ARAP2: variants seen among roughly 807,000 people sequenced by gnomAD.
ARAP2 encodes the protein arf-GAP with Rho-GAP domain, ANK repeat and PH domain-containing protein 2.
Under a neutral mutation model 194.5 loss-of-function variants are expected in ARAP2, and 148 were observed. The observed-to-expected ratio is 0.76, with a 90% CI of 0.67 to 0.87. ARAP2 has a LOEUF of 0.87. Among genes scored for constraint, ARAP2 ranks in the 40% least tolerant of loss-of-function variants. ARAP2 has a pLI of 0.00. For missense variants in ARAP2, 2,128 were observed against 1,989.7 expected (o/e 1.07, Z -1.32); for synonymous variants, 695 against 683.5 (o/e 1.02, Z -0.26).
At chr4:36,237,687 C>T (rs1752702166) in intron 1 of ARAP2, among the ~76,000 whole-genome samples, 1 of 152,186 alleles carries the variant, frequency 6.6e-6, no homozygotes. Context: ...GCTTGTACAG[C>T]CTGCAGAACT....
chr4:36,132,976 G>C (rs1292527161), intron 20 of ARAP2, among the ~76,000 whole-genome samples: 1 of 151,524 alleles, frequency 6.6e-6, no homozygotes, highest in Non-Finnish European at 1.5e-5. Flanking sequence ...TTATAATTTA[G>C]ATTATTTCAA....
At chr4:36,146,923 C>A (rs973288358) in intron 19 of ARAP2, among the ~76,000 whole-genome samples, 1 of 152,008 alleles carries the variant, frequency 6.6e-6, no homozygotes, top group Non-Finnish European at 1.5e-5. Flanking sequence ...TTTAGCTATG[C>A]ATGACCCACA....
intron 27 of ARAP2, among the ~76,000 whole-genome samples, chr4:36,103,013 G>A (rs1390479095): frequency 6.6e-6 from 1 of 151,660 alleles, no homozygotes; most frequent in African/African-American, 2.4e-5. Flanking sequence ...AAAACATGAT[G>A]GGGAGTGAAA....
intron 9 of ARAP2, chr4:36,007,187 T>C (rs1713464635): frequency 6.6e-6 from 1 of 152,222 alleles, no homozygotes; most frequent in African/African-American, 2.4e-5. Flanking sequence ...AAGGGTTGAA[T>C]TGTGGCCCCC....
At chr4:36,226,608 T>C (rs543766827) in intron 2 of ARAP2, among the ~76,000 whole-genome samples, 1 of 152,348 alleles carries the variant, frequency 6.6e-6, no homozygotes, top group South Asian at 2.1e-4. Flanking sequence ...TGGATCTTTA[T>C]CTCTTTATGA....
intron 5 of ARAP2, among the ~76,000 whole-genome samples, chr4:36,027,457 C>T (rs1718118644): frequency 6.6e-6 from 1 of 151,340 alleles, no homozygotes; most frequent in Admixed American, 6.6e-5. Flanking sequence ...GCTGATTGGG[C>T]TCAGCTGTCA....
rs774273241 is a variant in ARAP2, at chr4:36,210,704, C to G, written c.1173G>C (p.Lys391Asn). The change falls in exon 6 of 33, where the codon AAG becomes AAC. Residue 391 changes from lysine (K) to asparagine (N), a missense_variant. Coordinates refer to ENST00000303965, the MANE Select transcript of ARAP2 (RefSeq NM_015230.4). ...DNRKEKISED[K>N]VEDIWIPRED... The stretch of plus-strand genomic sequence containing the variant: ...CTCGAGGTATCCAAATATCTTCCAC[C>G]TTGTCCTCGCTTATTTTCTCCTTTC... 6.2e-7 allele frequency: 1 copy of G among 1,607,174 alleles called. No individual in the cohort carries two copies. Among genetic ancestry groups the G allele is most frequent in the South Asian group, 1.1e-5 (1 of 89,654 alleles).
intron 32 of ARAP2, among the ~76,000 whole-genome samples, chr4:36,069,697 A>T (rs561622643): frequency 6.6e-6 from 1 of 152,322 alleles, no homozygotes; most frequent in African/African-American, 2.4e-5. Context: ...TTAAGGGCCA[A>T]GTAATAACAT....
chr4:36,082,470 A>T (rs1366281583), intron 29 of ARAP2, among the ~76,000 whole-genome samples, 184 bp from the exon 30 acceptor site: 1 of 152,164 alleles, frequency 6.6e-6, no homozygotes, highest in Non-Finnish European at 1.5e-5. Flanking sequence ...ATCTGGCTAC[A>T]CATTTATATA....
chr4:36,058,794 G>A (rs906613382), intron 1 of ARAP2, among the ~76,000 whole-genome samples: 3 of 151,962 alleles, frequency 2.0e-5, no homozygotes, highest in Admixed American at 2.0e-4. Context: ...TCTACTGGAG[G>A]TAGATCATTA....
rs145697572 is a variant in ARAP2 at position 36,129,351 on chromosome 4, C to T, written c.3428-606G>A. Among the ~76,000 whole-genome samples, 641 of 152,028 alleles carry T rather than the reference C, an allele frequency of 4.2e-3. 3 individuals carry two copies. Among genetic ancestry groups the T allele is most frequent in the African/African-American group, 0.015 (625 of 41,518 alleles). The stretch of plus-strand genomic sequence containing the variant: ...TTCTTTTCCCTGTTCCTTTCACAAC[C>T]AGGCTGAGTTTTCTATATTTATTCT... On this transcript the variant is annotated intron_variant, in intron 20 of 32. Coordinates refer to ENST00000303965, the MANE Select transcript of ARAP2 (RefSeq NM_015230.4).
At chr4:36,029,730 T>C (rs899812799) in intron 5 of ARAP2, among the ~76,000 whole-genome samples, 4 of 151,966 alleles carry the variant, frequency 2.6e-5, no homozygotes. Flanking sequence ...TTTGTAAAGA[T>C]TTCAGTTTTT....
intron 5 of ARAP2, among the ~76,000 whole-genome samples, chr4:36,031,666 C>CTTTTTTTTT (rs67436021): frequency 2.1e-5 from 3 of 146,226 alleles, no homozygotes; most frequent in Non-Finnish European, 4.5e-5. Flanking sequence ...GATTTAAAAT[C>CTTTTTTTTT]TTTTTTTTTT....
chr4:36,112,337 T>C (rs61194049), intron 26 of ARAP2, among the ~76,000 whole-genome samples: 45,794 of 151,834 alleles, frequency 0.3, 8,155 homozygotes, highest in East Asian at 0.47. Context: ...TACAGTATTA[T>C]AGATTTTTAA....
intron 9 of ARAP2, among the ~76,000 whole-genome samples, chr4:36,175,793 T>C (rs1210093523): frequency 6.6e-6 from 1 of 152,208 alleles, no homozygotes; most frequent in Non-Finnish European, 1.5e-5. Flanking sequence ...CTCATGTATA[T>C]GGAAATGCTT....
chr4:36,014,285 G>GAAAGAAAC (rs1560264347), intron 8 of ARAP2, among the ~76,000 whole-genome samples: 1 of 133,998 alleles, frequency 7.5e-6, no homozygotes, highest in Admixed American at 7.6e-5. Flanking sequence ...AAGAAAGAAA[G>GAAAGAAAC]AAAGAAAGAA....
chr4:36,009,631 TCC>T (rs1714023601), intron 9 of ARAP2, among the ~76,000 whole-genome samples: 2 of 152,056 alleles, frequency 1.3e-5, no homozygotes, highest in African/African-American at 4.8e-5. Flanking sequence ...TGCATATTTA[TCC>T]CCTGATTATA....
intron 8 of ARAP2, among the ~76,000 whole-genome samples, chr4:36,185,390 A>C (rs770688880): frequency 4.6e-5 from 7 of 152,034 alleles, no homozygotes; most frequent in Non-Finnish European, 7.4e-5. Context: ...CTTTTTATTG[A>C]GGGAGGGTGT....
chr4:36,099,745 C>T (rs1411446263), intron 27 of ARAP2, among the ~76,000 whole-genome samples: 1 of 152,096 alleles, frequency 6.6e-6, no homozygotes, highest in Non-Finnish European at 1.5e-5. Flanking sequence ...TCTGCTAGAT[C>T]GCAGACAGTA....
Sources: allele counts gnomAD v4.1 joint callset (sites outside exome capture counted in the v4.1 genomes callset), GRCh38; gene constraint gnomAD v4.1.1; transcripts MANE v1.5; gene names NCBI Gene and HGNC (gene_info 2026-07-23, HGNC 2026-07-21).